Variants in IL2RG observed in about 807,000 individuals in gnomAD.
The protein encoded by IL2RG is cytokine receptor common subunit gamma.
For synonymous variants in IL2RG, 111 were observed against 108.5 expected (o/e 1.02, Z -0.15); for missense variants, 205 against 272.9 (o/e 0.75, Z 1.75).
chrX:71,110,330 G>A (rs1569480004), intron 3 of IL2RG, 35 bp from the exon 4 acceptor site: 5 of 1,200,707 alleles, frequency 4.2e-6, no homozygotes, highest in Admixed American at 2.2e-5. Flanking sequence ...TCATTCCCCT[G>A]GCCTAGACAA....
chrX:71,108,476 C>T (rs750766314), intron 6 of IL2RG, 123 bp downstream of exon 6: 1 of 693,372 alleles, frequency 1.4e-6, no homozygotes, highest in East Asian at 3.4e-5. Flanking sequence ...CATCACCAAA[C>T]CCTCTTGGGT....
intron 4 of IL2RG, 47 bp downstream of exon 4, chrX:71,110,109 C>T: frequency 8.4e-7 from 1 of 1,194,651 alleles, no homozygotes. Context: ...TCCTTTAGCC[C>T]TACTTTCTTG....
intron 5 of IL2RG, 117 bp downstream of exon 5, chrX:71,109,111 G>T: frequency 1.4e-6 from 1 of 724,209 alleles, no homozygotes; most frequent in Non-Finnish European, 2.1e-6. Context: ...AGACAGTGTG[G>T]AGAGATGGGG....
chrX:71,111,454 G>A lies in IL2RG; in HGVS notation c.86C>T (p.Thr29Met), dbSNP rs375921454. 1.1e-4 allele frequency: 127 copies of A among 1,208,489 alleles called. No homozygotes were observed. Among genetic ancestry groups the A allele is most frequent in the Non-Finnish European group, 1.3e-4 (115 of 894,277 alleles). The part of the protein sequence containing the change: ...LGVGLNTTIL[T>M]PNGNEDTTAD... ...TGTGGTGTCTTCATTCCCATTGGGC[G>A]TCAGAATTGTCGTGTTCAGCCCCAC... is the stretch of plus-strand genomic sequence containing the variant. Residue 29 changes from threonine to methionine, a missense_variant, in exon 1 of 8, where the codon ACG (threonine) becomes ATG (methionine). Coordinates refer to ENST00000374202, the MANE Select transcript of IL2RG (RefSeq NM_000206.3).
chrX:71,107,644 G>T lies in IL2RG; in HGVS notation c.*92C>A. The T allele has an allele frequency of 3.0e-6, 2 of 663,250 alleles. No individual in the cohort carries two copies. Among genetic ancestry groups the T allele is most frequent in the Non-Finnish European group, 2.1e-6 (1 of 468,464 alleles). 54.7% of individuals were successfully genotyped at this position (663,250 alleles called of 1,213,427 possible). A position where few individuals can be genotyped will look rare whatever the true frequency, so the allele number is the denominator to read the frequency against. Reference sequence around the variant, plus strand: ...TCCAAATCAGCCACAGTGGGGTGAGGTGAGTATGAGACGCAGGTGGGTTGA... The same window carrying T: ...TCCAAATCAGCCACAGTGGGGTGAGTTGAGTATGAGACGCAGGTGGGTTGA... On this transcript the variant is annotated 3_prime_UTR_variant, in exon 8 of 8. Coordinates refer to ENST00000374202, the MANE Select transcript of IL2RG (RefSeq NM_000206.3).
Position 71,107,810 on chromosome X carries a change from G to A in IL2RG, c.1036C>T (p.Pro346Ser), listed in dbSNP as rs2092253712. ...TGCTGGTTGCATGGGGAGGCCCCAG[G>A]CCCCTCCCCAAGGGCCCCTCCTTTT... ...PPKGGALGEGPGASPCNQHSP... is the reference protein window; with the variant it reads ...PPKGGALGEGSGASPCNQHSP... The change falls in exon 8 of 8, where the codon CCT becomes TCT. Residue 346 changes from proline to serine, a missense_variant. Transcript: ENST00000374202. 8.4e-7 allele frequency: 1 copy of A among 1,196,531 alleles called. No homozygotes were observed. The highest frequency in any genetic ancestry group is 1.8e-5 in the African/African-American group (1 of 57,016).
chrX:71,109,941 A>G (rs2092259702), intron 4 of IL2RG, among the ~76,000 whole-genome samples: 1 of 108,345 alleles, frequency 9.2e-6, no homozygotes, highest in Non-Finnish European at 1.9e-5. Context: ...AAAAAAAAAA[A>G]AAAAGAAAGA....
At position 71,109,286 on chromosome X, in the gene IL2RG, A is replaced by G; in HGVS notation, c.699T>C (p.Ser233=). ...GGCTCCATTCACTCCAATGCTGAGC[A>G]CTTCCACAGAGTGGGTTAAAGCGGC... ...VRSRFNPLCG[S]AQHWSEWSHP... Residue 233 remains serine (S), a synonymous_variant, in exon 5 of 8, where the codon AGT becomes AGC. Transcript: ENST00000374202. 1 of 1,211,213 alleles carries G rather than the reference A, an allele frequency of 8.3e-7. No homozygotes were observed. Among genetic ancestry groups the G allele is most frequent in the Non-Finnish European group, 1.1e-6 (1 of 894,848 alleles).
At position 71,107,885 on chromosome X, in the gene IL2RG, G is replaced by T; in HGVS notation, c.961C>A (p.Leu321Met). Residue 321 changes from leucine (L) to methionine (M), a missense_variant, in exon 8 of 8, where the codon CTG (leucine) becomes ATG (methionine). Transcript: ENST00000374202. ...AGTCGTTCACTGTAGTCTGGCTGCAGACTCTCAGCCAGTCCCTTAGACACA... is the reference window on the plus strand; with the variant it reads ...AGTCGTTCACTGTAGTCTGGCTGCATACTCTCAGCCAGTCCCTTAGACACA... ...SGVSKGLAES[L>M]QPDYSERLCL... is the part of the protein sequence containing the mutation. 5.8e-6 allele frequency: 7 copies of T among 1,208,635 alleles called. No homozygotes were observed. The highest frequency in any genetic ancestry group is 7.8e-6 in the Non-Finnish European group (7 of 893,218).
At chrX:71,108,761 G>A in intron 5 of IL2RG, 66 bp from the exon 6 acceptor site, 5 of 731,324 alleles carry the variant, frequency 6.8e-6, no homozygotes, top group Non-Finnish European at 1.0e-5. Flanking sequence ...GCCAGGCACT[G>A]GTGCCAGGCA....
In IL2RG at chrX:71,109,298, T is replaced by C; in HGVS notation, c.687A>G (p.Pro229=). The C allele has an allele frequency of 8.3e-7, 1 of 1,210,186 alleles. No homozygotes were observed. The highest frequency in any genetic ancestry group is 1.1e-6 in the Non-Finnish European group (1 of 894,418). ...YTFRVRSRFN[P]LCGSAQHWSE... ...TCCAATGCTGAGCACTTCCACAGAG[T>C]GGGTTAAAGCGGCTCCGAACACGAA... The change falls in exon 5 of 8, where the codon CCA becomes CCG. Residue 229 remains proline (P), a synonymous_variant. Transcript: ENST00000374202.
chrX:71,108,166 T>C, intron 7 of IL2RG, 111 bp downstream of exon 7: 1 of 612,552 alleles, frequency 1.6e-6, no homozygotes. Flanking sequence ...TGACAGTTAG[T>C]GCAGGGCCTC....
intron 1 of IL2RG, 57 bp downstream of exon 1, chrX:71,111,350 AGGCACCAGATCTCTGTAC>A (rs753131679): frequency 2.6e-6 from 3 of 1,161,756 alleles, no homozygotes; most frequent in Non-Finnish European, 3.5e-6. Flanking sequence ...GGCCAGTGGC[AGGCACCAGATCTCTGTAC>A]GGCCCCTTCC....
intron 2 of IL2RG, 80 bp downstream of exon 2, chrX:71,110,817 G>A: frequency 8.9e-7 from 1 of 1,126,736 alleles, no homozygotes; most frequent in Non-Finnish European, 1.2e-6. Context: ...TGGGGTACCT[G>A]GGAGACTTGC....
At chrX:71,108,201 C>T in intron 7 of IL2RG, 76 bp downstream of exon 7, 1 of 774,550 alleles carries the variant, frequency 1.3e-6, no homozygotes, top group Non-Finnish European at 2.0e-6. Flanking sequence ...CTGCCCCCAC[C>T]CCCACACTCT....
Sources: gnomAD v4.1 joint callset for allele counts (sites outside exome capture counted in the v4.1 genomes callset) on GRCh38, gnomAD v4.1.1 for gene constraint, MANE v1.5 for transcripts, NCBI Gene and HGNC (gene_info 2026-07-23, HGNC 2026-07-21) for gene names.